EEFSEC: variants seen among roughly 807,000 people sequenced by gnomAD.
The protein encoded by EEFSEC is selenocysteine-specific elongation factor.
A neutral mutation model predicts 42.1 loss-of-function variants in EEFSEC; 43 were observed. The ratio of observed to expected loss-of-function variants is 1.02; its 90% confidence interval spans 0.80 to 1.32. EEFSEC has a LOEUF of 1.32. Ranked by LOEUF, EEFSEC falls within the 40% of genes most tolerant of loss-of-function variation. EEFSEC has a pLI of 0.00. For synonymous variants in EEFSEC, 354 were observed against 339.1 expected, an observed-to-expected ratio of 1.04 and a Z score of -0.48; for missense variants, 745 against 803.6, an observed-to-expected ratio of 0.93 and a Z score of 0.88.
intron 4 of EEFSEC, among the ~76,000 whole-genome samples, chr3:128,318,037 A>G (rs960499555): frequency 6.6e-6 from 1 of 152,188 alleles, no homozygotes; most frequent in African/African-American, 2.4e-5. Context: ...GTTTCTCTAG[A>G]CATGGCATAG....
intron 1 of EEFSEC, among the ~76,000 whole-genome samples, chr3:128,190,166 C>G (rs556349544): frequency 1.3e-5 from 2 of 152,206 alleles, no homozygotes; most frequent in Non-Finnish European, 2.9e-5. Flanking sequence ...CCCAGCCGCT[C>G]CTTCTACTTC....
chr3:128,157,386 G>A (rs540070265), intron 1 of EEFSEC, among the ~76,000 whole-genome samples: 79 of 152,218 alleles, frequency 5.2e-4, no homozygotes, highest in Non-Finnish European at 9.6e-4. Context: ...TGATGAAGGT[G>A]AGTACACTAA....
chr3:128,213,076 C>A (rs1446012256), intron 1 of EEFSEC, among the ~76,000 whole-genome samples: 1 of 152,236 alleles, frequency 6.6e-6, no homozygotes, highest in Non-Finnish European at 1.5e-5. Context: ...ACACCTTCTG[C>A]ATTGCCTCAT....
intron 6 of EEFSEC, among the ~76,000 whole-genome samples, chr3:128,383,624 G>C (rs1161513888): frequency 6.6e-6 from 1 of 152,268 alleles, no homozygotes; most frequent in Non-Finnish European, 1.5e-5. Flanking sequence ...GTTTCCTGGA[G>C]GAGGAGAGCA....
intron 5 of EEFSEC, 29 bp downstream of exon 5, chr3:128,341,918 C>T (rs374495992): frequency 1.1e-5 from 18 of 1,595,186 alleles, no homozygotes; most frequent in Non-Finnish European, 1.5e-5. Flanking sequence ...GGCCCCACAC[C>T]CCTTCCCTTC....
At chr3:128,342,103 G>A (rs964433072) in intron 5 of EEFSEC, among the ~76,000 whole-genome samples, 4 of 152,206 alleles carry the variant, frequency 2.6e-5, no homozygotes, top group African/African-American at 9.6e-5. Context: ...CCAGCACCTG[G>A]GCAGGGGGAC....
chr3:128,237,046 C>A (rs903613993), intron 1 of EEFSEC, among the ~76,000 whole-genome samples: 1 of 152,216 alleles, frequency 6.6e-6, no homozygotes, highest in Non-Finnish European at 1.5e-5. Context: ...GTTCAGTAAA[C>A]GTGCTGCGTG....
intron 6 of EEFSEC, among the ~76,000 whole-genome samples, chr3:128,393,602 C>A (rs1293902233): frequency 6.6e-6 from 1 of 152,244 alleles, no homozygotes; most frequent in East Asian, 1.9e-4. Flanking sequence ...AATGCAGGAT[C>A]TGAGCCTGTG....
At chr3:128,294,345 C>T in intron 4 of EEFSEC, among the ~76,000 whole-genome samples, 1 of 152,184 alleles carries the variant, frequency 6.6e-6, no homozygotes, top group East Asian at 1.9e-4. Flanking sequence ...GGAAGACCTG[C>T]CTCTTCCTGA....
chr3:128,262,077 G>T, intron 2 of EEFSEC, 51 bp from the exon 3 acceptor site: 1 of 1,570,062 alleles, frequency 6.4e-7, no homozygotes. Flanking sequence ...CGTGCTTTGT[G>T]TCCATGTTGC....
intron 6 of EEFSEC, among the ~76,000 whole-genome samples, chr3:128,392,545 G>A (rs1010796428): frequency 1.3e-5 from 2 of 152,242 alleles, no homozygotes; most frequent in Non-Finnish European, 2.9e-5. Flanking sequence ...CATGGGCCGA[G>A]GCACGCGGCA....
At chr3:128,216,855 G>C (rs1003150343) in intron 1 of EEFSEC, among the ~76,000 whole-genome samples, 25 of 152,162 alleles carry the variant, frequency 1.6e-4, no homozygotes, top group African/African-American at 5.8e-4. Flanking sequence ...TTTGGGAAGG[G>C]ATGCAGGCAG....
At chr3:128,243,606 G>A (rs913243870) in intron 1 of EEFSEC, among the ~76,000 whole-genome samples, 1 of 152,222 alleles carries the variant, frequency 6.6e-6, no homozygotes, top group African/African-American at 2.4e-5. Context: ...CCAGGCCTTG[G>A]TTATGAACCC....
chr3:128,184,412 A>G (rs932261463), intron 1 of EEFSEC, among the ~76,000 whole-genome samples: 1 of 152,208 alleles, frequency 6.6e-6, no homozygotes, highest in Non-Finnish European at 1.5e-5. Context: ...ACTAAGTGGA[A>G]TCATACAGTA....
intron 6 of EEFSEC, chr3:128,362,377 CA>C: frequency 2.3e-6 from 1 of 438,282 alleles, no homozygotes. Context: ...AGCTCTGAGT[CA>C]CTGGGCATTT....
rs114932815 is a variant in EEFSEC at position 128,329,580 on chromosome 3, C to T, written c.787-11653C>T. Among the ~76,000 whole-genome samples, 508 of 152,142 alleles carry T rather than the reference C, an allele frequency of 3.3e-3. 2 individuals are homozygous for T. Among genetic ancestry groups the T allele is most frequent in the African/African-American group, 0.012 (488 of 41,512 alleles). ...TCTAGCTGGAGTAAGGCTGGAAGGA[C>T]GAGGAGGGGCCTGGCAGTCAGGAAG... On this transcript the variant is annotated intron_variant, in intron 4 of 6. Transcript: ENST00000254730.
chr3:128,291,142 C>A (rs139187655), intron 4 of EEFSEC, among the ~76,000 whole-genome samples: 1 of 151,998 alleles, frequency 6.6e-6, no homozygotes, highest in Non-Finnish European at 1.5e-5. Flanking sequence ...TTGAGACAGG[C>A]TTGCTCTGTC....
intron 3 of EEFSEC, 24 bp from the exon 4 acceptor site, chr3:128,264,593 G>A: frequency 2.5e-6 from 4 of 1,611,534 alleles, no homozygotes; most frequent in Non-Finnish European, 3.4e-6. Flanking sequence ...CCCACGGACT[G>A]TGGCACCAGT....
At chr3:128,359,574 G>A (rs1332649836) in intron 6 of EEFSEC, among the ~76,000 whole-genome samples, 2 of 152,056 alleles carry the variant, frequency 1.3e-5, no homozygotes, top group Non-Finnish European at 2.9e-5. Context: ...CTGTACAATT[G>A]TACCAGATAC....
Sources: allele counts gnomAD v4.1 joint callset (sites outside exome capture counted in the v4.1 genomes callset), GRCh38; gene constraint gnomAD v4.1.1; transcripts MANE v1.5; gene names NCBI Gene and HGNC (gene_info 2026-07-23, HGNC 2026-07-21).